PACRG: variants seen among roughly 807,000 people sequenced by gnomAD.
PACRG encodes the protein parkin coregulated gene protein.
PACRG carries 29 observed loss-of-function variants against 29.7 expected under a neutral mutation model. The observed-to-expected ratio is 0.98, with a 90% CI of 0.73 to 1.33. The LOEUF is 1.33. Ranked by LOEUF, PACRG falls within the 40% of genes most tolerant of loss-of-function variation. PACRG has a pLI of 0.00. For synonymous variants in PACRG, 116 were observed against 118.7 expected, an observed-to-expected ratio of 0.98 and a Z score of 0.15; for missense variants, 279 against 316.2, an observed-to-expected ratio of 0.88 and a Z score of 0.89.
At chr6:162,841,681 T>C (rs1392409420) in intron 2 of PACRG, among the ~76,000 whole-genome samples, 2 of 146,738 alleles carry the variant, frequency 1.4e-5, no homozygotes, top group African/African-American at 5.0e-5. Context: ...CTTTTAATTG[T>C]GATGTTAGGG....
intron 2 of PACRG, among the ~76,000 whole-genome samples, chr6:162,913,829 T>C (rs1796485381): frequency 6.6e-6 from 1 of 152,230 alleles, no homozygotes; most frequent in South Asian, 2.1e-4. Flanking sequence ...CTTTTTAATG[T>C]GCTTCTATAT....
chr6:163,217,073 T>C (rs1196584397), intron 4 of PACRG, among the ~76,000 whole-genome samples: 1 of 152,198 alleles, frequency 6.6e-6, no homozygotes, highest in Non-Finnish European at 1.5e-5. Flanking sequence ...AAAACTTCCG[T>C]TGAGTCCTAA....
At chr6:163,223,121 C>T (rs1042262036) in intron 4 of PACRG, among the ~76,000 whole-genome samples, 5 of 152,116 alleles carry the variant, frequency 3.3e-5, no homozygotes, top group Admixed American at 3.3e-4. Flanking sequence ...TGACCGGGCG[C>T]GATGGCTCGT....
At chr6:163,270,195 C>G (rs558361024) in intron 4 of PACRG, among the ~76,000 whole-genome samples, 1 of 152,018 alleles carries the variant, frequency 6.6e-6, no homozygotes, top group African/African-American at 2.4e-5. Flanking sequence ...TTTTATAAAG[C>G]GAGCATTTCA....
At chr6:162,877,655 T>G (rs919507160) in intron 2 of PACRG, among the ~76,000 whole-genome samples, 1 of 151,146 alleles carries the variant, frequency 6.6e-6, no homozygotes, top group African/African-American at 2.4e-5. Context: ...GGAAAAAAAA[T>G]TCAGGAGGCT....
At chr6:162,916,146 A>G (rs192259355) in intron 2 of PACRG, among the ~76,000 whole-genome samples, 1 of 152,180 alleles carries the variant, frequency 6.6e-6, no homozygotes, top group East Asian at 1.9e-4. Context: ...CTTGAAGGAT[A>G]TTTTCATTGA....
chr6:163,280,901 A>G (rs912444543), intron 4 of PACRG, among the ~76,000 whole-genome samples: 14 of 152,206 alleles, frequency 9.2e-5, no homozygotes, highest in Non-Finnish European at 5.9e-5. Context: ...GAACACAAAC[A>G]TTGGTTTATA....
At chr6:162,834,744 T>C (rs1230431267) in intron 2 of PACRG, among the ~76,000 whole-genome samples, 1 of 151,940 alleles carries the variant, frequency 6.6e-6, no homozygotes, top group East Asian at 1.9e-4. Flanking sequence ...CATCCAAGCA[T>C]TTTTGCTAAT....
intron 2 of PACRG, among the ~76,000 whole-genome samples, chr6:162,897,886 G>A (rs1216057877): frequency 6.6e-6 from 1 of 152,300 alleles, no homozygotes; most frequent in South Asian, 2.1e-4. Context: ...CGGGAGGCAG[G>A]GCACTCAGGG....
intron 2 of PACRG, among the ~76,000 whole-genome samples, chr6:162,864,953 G>T (rs1023651778): frequency 3.3e-5 from 5 of 152,120 alleles, no homozygotes; most frequent in African/African-American, 1.2e-4. Context: ...TTTAACCAAA[G>T]AATCCAGTAG....
intron 4 of PACRG, among the ~76,000 whole-genome samples, chr6:163,113,192 A>G (rs1246631385): frequency 1.3e-5 from 2 of 152,230 alleles, no homozygotes; most frequent in African/African-American, 4.8e-5. Context: ...AAATTACAGA[A>G]TCTGAGGAAT....
At chr6:163,229,785 C>A (rs940579475) in intron 4 of PACRG, among the ~76,000 whole-genome samples, 4 of 152,160 alleles carry the variant, frequency 2.6e-5, no homozygotes, top group Non-Finnish European at 2.9e-5. Context: ...GCGCTGACTT[C>A]CTCTCATGAG....
intron 4 of PACRG, among the ~76,000 whole-genome samples, chr6:163,246,862 A>G (rs2128170520): frequency 6.6e-6 from 1 of 152,390 alleles, no homozygotes; most frequent in South Asian, 2.1e-4. Context: ...TTACAACATT[A>G]TCATGAGAAA....
intron 2 of PACRG, among the ~76,000 whole-genome samples, chr6:162,899,946 C>CCCGTCA (rs1488268266): frequency 2.6e-5 from 4 of 152,100 alleles, no homozygotes; most frequent in Non-Finnish European, 5.9e-5. Flanking sequence ...TGGGTCTGCA[C>CCCGTCA]CCGTCACCGT....
intron 4 of PACRG, among the ~76,000 whole-genome samples, chr6:163,282,779 A>G (rs1484749370): frequency 1.3e-5 from 2 of 152,150 alleles, no homozygotes; most frequent in African/African-American, 4.8e-5. Flanking sequence ...CAAGGCTTAC[A>G]CCATCCAGTG....
rs80152666 is a variant in PACRG, at chr6:163,245,731, C to T, written c.614-69096C>T. On this transcript the variant is annotated intron_variant, in intron 4 of 4. Coordinates refer to ENST00000366888, the MANE Select transcript of PACRG (RefSeq NM_001080379.2). The stretch of plus-strand genomic sequence containing the variant: ...TCCTGTGTCCGACTTCCTAATCAGC[C>T]GCTGTGCTTGGATGTCCAGTAGGCC... 1.1e-3 allele frequency among the ~76,000 whole-genome samples: 160 copies of T among 152,282 alleles called. 1 individual carries two copies. The highest frequency in any genetic ancestry group is 3.7e-3 in the African/African-American group (152 of 41,560).
At chr6:163,211,698 C>G (rs930305692) in intron 4 of PACRG, among the ~76,000 whole-genome samples, 9 of 152,126 alleles carry the variant, frequency 5.9e-5, no homozygotes, top group African/African-American at 2.2e-4. Context: ...TCGTTCCTCC[C>G]CCTATAAGAG....
chr6:162,892,782 G>T (rs1794861435), intron 2 of PACRG, among the ~76,000 whole-genome samples: 1 of 152,154 alleles, frequency 6.6e-6, no homozygotes, highest in Admixed American at 6.5e-5. Context: ...ATGGAAAGTC[G>T]GGAGTGAGCA....
intron 2 of PACRG, among the ~76,000 whole-genome samples, chr6:162,905,178 G>C (rs1315758127): frequency 6.6e-6 from 1 of 152,180 alleles, no homozygotes; most frequent in African/African-American, 2.4e-5. Context: ...GGAAATGTCT[G>C]CAAGAGGTAA....
Sources: allele counts gnomAD v4.1 joint callset (sites outside exome capture counted in the v4.1 genomes callset), GRCh38; gene constraint gnomAD v4.1.1; transcripts MANE v1.5; gene names NCBI Gene and HGNC (gene_info 2026-07-23, HGNC 2026-07-21).